The following CCDC60 variants were observed in gnomAD, a reference collection of about 807,000 sequenced individuals.
CCDC60 encodes the protein coiled-coil domain containing 60.
Under a neutral mutation model 63.5 loss-of-function variants are expected in CCDC60, and 54 were observed. The observed-to-expected ratio is 0.85, with a 90% CI of 0.68 to 1.07. The LOEUF (loss-of-function observed/expected upper bound fraction) is 1.07, where lower values mean the gene tolerates loss of function less well. Among genes scored for constraint, CCDC60 ranks in the 50% least tolerant of loss-of-function variants. The probability of loss-of-function intolerance (pLI) is 0.00; values close to 1 mark genes in which losing one functional copy is unlikely to be tolerated. For missense variants in CCDC60, 651 were observed against 684.3 expected, an observed-to-expected ratio of 0.95 and a Z score of 0.54; for synonymous variants, 206 against 238.8, an observed-to-expected ratio of 0.86 and a Z score of 1.27.
intron 2 of CCDC60, among the ~76,000 whole-genome samples, chr12:119,464,296 A>C (rs1950910859): frequency 1.0e-5 from 1 of 98,482 alleles, no homozygotes; most frequent in Non-Finnish European, 2.0e-5. Context: ...GGGTTGCAAG[A>C]GCAACCCCCC....
At chr12:119,495,121 G>A (rs1951691631) in intron 5 of CCDC60, among the ~76,000 whole-genome samples, 1 of 152,130 alleles carries the variant, frequency 6.6e-6, no homozygotes, top group Non-Finnish European at 1.5e-5. Flanking sequence ...AGGAAACTGA[G>A]GCATAGAAAA....
At chr12:119,357,005 A>C (rs1180006507) in intron 1 of CCDC60, among the ~76,000 whole-genome samples, 1 of 152,242 alleles carries the variant, frequency 6.6e-6, no homozygotes, top group Non-Finnish European at 1.5e-5. Flanking sequence ...CACCAAAATC[A>C]AGATACAGAC....
intron 1 of CCDC60, among the ~76,000 whole-genome samples, chr12:119,376,601 C>G (rs1955953391): frequency 6.6e-6 from 1 of 152,042 alleles, no homozygotes; most frequent in Non-Finnish European, 1.5e-5. Flanking sequence ...GCACTCCAGG[C>G]TGGGCAACAG....
In CCDC60 at chr12:119,452,772, C is replaced by T. The variant is rs998902876; in HGVS notation, c.171-19222C>T. ...AGTGGTTCATGAATCTGTCTAAATC[C>T]CACAGCAATTTTTTGGTAGAGTTAG... On this transcript the variant is annotated intron_variant, in intron 2 of 13. Transcript: ENST00000327554. Among the ~76,000 whole-genome samples the T allele has an allele frequency of 2.6e-5, 4 of 152,030 alleles. No homozygotes were observed. In the East Asian group the frequency reaches 7.7e-4, roughly 29 times the overall value.
In CCDC60 at chr12:119,540,886, G is replaced by T. The variant is rs1296117528; in HGVS notation, c.*171G>T. 5.3e-6 allele frequency: 3 copies of T among 560,768 alleles called. No homozygotes were observed. Among genetic ancestry groups the T allele is most frequent in the Admixed American group, 3.4e-5 (1 of 29,568 alleles). 34.7% of individuals were successfully genotyped at this position (560,768 alleles called of 1,614,324 possible). A position where few individuals can be genotyped will look rare whatever the true frequency, so the allele number is the denominator to read the frequency against. ...ACTTCCAGCAACATTTTTAGAGGGG[G>T]ATGGCCCCGGTGGCCCTCCCCTCAA... On this transcript the variant is annotated 3_prime_UTR_variant, in exon 14 of 14. Coordinates refer to ENST00000327554, the MANE Select transcript of CCDC60 (RefSeq NM_178499.5).
intron 1 of CCDC60, among the ~76,000 whole-genome samples, chr12:119,401,552 C>G (rs1956392279): frequency 6.6e-6 from 1 of 152,248 alleles, no homozygotes. Flanking sequence ...GCATTGAGCT[C>G]AGCCTATGGA....
chr12:119,521,057 T>C (rs1298131444), intron 9 of CCDC60, among the ~76,000 whole-genome samples: 1 of 152,224 alleles, frequency 6.6e-6, no homozygotes, highest in Non-Finnish European at 1.5e-5. Context: ...CTATACAGTA[T>C]AAAAGATCAC....
At chr12:119,473,026 A>T (rs559480396) in intron 3 of CCDC60, among the ~76,000 whole-genome samples, 1 of 152,334 alleles carries the variant, frequency 6.6e-6, no homozygotes, top group Admixed American at 6.5e-5. Flanking sequence ...CTTAATGCAC[A>T]CCTATTCGGC....
intron 1 of CCDC60, among the ~76,000 whole-genome samples, chr12:119,347,747 A>C (rs769143882): frequency 1.7e-4 from 26 of 152,222 alleles, no homozygotes; most frequent in Non-Finnish European, 2.8e-4. Context: ...AAACTTGGGC[A>C]AGTTACTCTC....
chr12:119,361,214 A>C (rs1291287613), intron 1 of CCDC60, among the ~76,000 whole-genome samples: 1 of 150,982 alleles, frequency 6.6e-6, no homozygotes, highest in Non-Finnish European at 1.5e-5. Context: ...GGAGAGGGAG[A>C]GGGAGAGCTC....
In CCDC60 at chr12:119,460,429, T is replaced by A. The variant is rs541387855; in HGVS notation, c.171-11565T>A. ...CATGTCTTAATTTAATTGACATGTG[T>A]TTTTGTGTTTTCTTCTTTGTGGTTC... On this transcript the variant is annotated intron_variant, in intron 2 of 13. Transcript: ENST00000327554. Among the ~76,000 whole-genome samples, 10 of 152,352 alleles carry A rather than the reference T, an allele frequency of 6.6e-5. No individual in the cohort carries two copies. In the Middle Eastern group the frequency reaches 0.01, roughly 155 times the overall value.
chr12:119,511,532 T>C (rs2136456672), intron 7 of CCDC60, among the ~76,000 whole-genome samples: 1 of 152,282 alleles, frequency 6.6e-6, no homozygotes, highest in South Asian at 2.1e-4. Context: ...CTATGCCATC[T>C]CATGTTTCCC....
At chr12:119,442,732 A>G (rs1950472302) in intron 2 of CCDC60, among the ~76,000 whole-genome samples, 1 of 152,212 alleles carries the variant, frequency 6.6e-6, no homozygotes, top group African/African-American at 2.4e-5. Flanking sequence ...TCATTGTAAG[A>G]ATGTAGCATT....
At chr12:119,412,741 G>A (rs866964571) in intron 1 of CCDC60, among the ~76,000 whole-genome samples, 10 of 151,568 alleles carry the variant, frequency 6.6e-5, no homozygotes, top group Middle Eastern at 6.8e-3. Flanking sequence ...TATTTAATGA[G>A]AAAAGACAGG....
intron 3 of CCDC60, among the ~76,000 whole-genome samples, chr12:119,477,874 A>C (rs1227844894): frequency 1.3e-5 from 2 of 152,070 alleles, no homozygotes; most frequent in Non-Finnish European, 2.9e-5. Context: ...CCAATTTTAA[A>C]ATACAGACAA....
intron 1 of CCDC60, among the ~76,000 whole-genome samples, chr12:119,398,449 C>A (rs1052905238): frequency 6.6e-6 from 1 of 152,170 alleles, no homozygotes; most frequent in Non-Finnish European, 1.5e-5. Context: ...GCAGAGGGAA[C>A]CAGCTCCAGC....
intron 2 of CCDC60, among the ~76,000 whole-genome samples, chr12:119,440,670 A>T (rs1366060528): frequency 1.3e-5 from 2 of 152,200 alleles, no homozygotes; most frequent in African/African-American, 2.4e-5. Context: ...ACCGGGAAGT[A>T]GTCTCAGGAT....
chr12:119,344,929 T>G (rs1327503758), intron 1 of CCDC60, among the ~76,000 whole-genome samples: 2 of 148,358 alleles, frequency 1.3e-5, no homozygotes, highest in Non-Finnish European at 3.0e-5. Flanking sequence ...ATGTCAGCTT[T>G]AATATCACTT....
chr12:119,343,195 C>T (rs79867814), intron 1 of CCDC60, among the ~76,000 whole-genome samples: 1 of 152,172 alleles, frequency 6.6e-6, no homozygotes, highest in African/African-American at 2.4e-5. Flanking sequence ...TTTTCAAACT[C>T]TGCTGAGAAA....
Sources: allele counts gnomAD v4.1 joint callset (sites outside exome capture counted in the v4.1 genomes callset), GRCh38; gene constraint gnomAD v4.1.1; transcripts MANE v1.5; gene names NCBI Gene and HGNC (gene_info 2026-07-23, HGNC 2026-07-21).